The following ADCY5 variants were observed in gnomAD, a reference collection of about 807,000 sequenced individuals.
The protein encoded by ADCY5 is adenylate cyclase 5, also known as adenylate cyclase type 5.
A neutral mutation model predicts 119.7 loss-of-function variants in ADCY5; 30 were observed. The observed-to-expected ratio is 0.25, with a 90% CI of 0.19 to 0.34. ADCY5 has a LOEUF of 0.34. Among genes scored for constraint, ADCY5 ranks in the 10% least tolerant of loss-of-function variants. The pLI, the probability that ADCY5 is intolerant of heterozygous loss-of-function variation, is 1.00. For missense variants in ADCY5, 1,324 were observed against 1,775.2 expected (o/e 0.75, Z 4.57); for synonymous variants, 753 against 762.2 (o/e 0.99, Z 0.20).
chr3:123,308,721 T>C (rs1189013740), intron 12 of ADCY5, among the ~76,000 whole-genome samples: 1 of 152,108 alleles, frequency 6.6e-6, no homozygotes, highest in East Asian at 1.9e-4. Flanking sequence ...CCCAGCTACT[T>C]GGGAGGCTGA....
chr3:123,301,614 G>A (rs1939857008), intron 14 of ADCY5, among the ~76,000 whole-genome samples: 1 of 152,206 alleles, frequency 6.6e-6, no homozygotes, highest in Non-Finnish European at 1.5e-5. Flanking sequence ...TGGTCAGCTG[G>A]TGGGGGCTGA....
chr3:123,443,902 C>T (rs531457972), intron 1 of ADCY5, among the ~76,000 whole-genome samples: 1 of 152,300 alleles, frequency 6.6e-6, no homozygotes, highest in Non-Finnish European at 1.5e-5. Flanking sequence ...CCATCATCAC[C>T]TAGAGTCCAG....
chr3:123,403,045 C>T (rs933805030), intron 1 of ADCY5, among the ~76,000 whole-genome samples: 1 of 152,086 alleles, frequency 6.6e-6, no homozygotes, highest in African/African-American at 2.4e-5. Context: ...CAGTGTCTCC[C>T]CATCTGTCCT....
At chr3:123,405,024 C>T (rs139414141) in intron 1 of ADCY5, among the ~76,000 whole-genome samples, 26 of 152,390 alleles carry the variant, frequency 1.7e-4, no homozygotes, top group African/African-American at 6.0e-4. Flanking sequence ...CCTTGTTTCA[C>T]CAGTGCTGCT....
At chr3:123,335,667 T>C (rs1357799481) in intron 3 of ADCY5, among the ~76,000 whole-genome samples, 1 of 152,136 alleles carries the variant, frequency 6.6e-6, no homozygotes, top group East Asian at 1.9e-4. Flanking sequence ...AGGACCCCCC[T>C]GAGAGGGGTC....
intron 1 of ADCY5, among the ~76,000 whole-genome samples, chr3:123,444,608 C>T (rs767121777): frequency 4.5e-4 from 69 of 152,262 alleles, no homozygotes; most frequent in South Asian, 8.3e-4. Flanking sequence ...GGTTAAGAAA[C>T]CAAATGCTTC....
In ADCY5 at chr3:123,284,547, C is replaced by T. The variant is rs1010204418; in HGVS notation, c.*61G>A. The T allele has an allele frequency of 2.7e-5, 43 of 1,604,408 alleles. No individual in the cohort carries two copies. Among genetic ancestry groups the T allele is most frequent in the Middle Eastern group, 1.7e-4 (1 of 5,920 alleles). On this transcript the variant is annotated 3_prime_UTR_variant, in exon 21 of 21. Coordinates refer to ENST00000462833, the MANE Select transcript of ADCY5 (RefSeq NM_183357.3). ...TGGCTTCCCCGCCACCCCCGGCACA[C>T]AGAGAAGCTGCTTCCATGCCTCTGG...
At chr3:123,368,223 C>T (rs1943518453) in intron 1 of ADCY5, among the ~76,000 whole-genome samples, 1 of 152,202 alleles carries the variant, frequency 6.6e-6, no homozygotes, top group African/African-American at 2.4e-5. Flanking sequence ...TAACACGGTA[C>T]AGGTGTAAAC....
At chr3:123,375,130 T>G (rs1943781007) in intron 1 of ADCY5, among the ~76,000 whole-genome samples, 1 of 152,138 alleles carries the variant, frequency 6.6e-6, no homozygotes, top group African/African-American at 2.4e-5. Context: ...CAGCCCTTTT[T>G]CAAGGGCAGC....
chr3:123,441,431 G>A (rs1210593831), intron 1 of ADCY5, among the ~76,000 whole-genome samples: 2 of 152,112 alleles, frequency 1.3e-5, no homozygotes, highest in Non-Finnish European at 2.9e-5. Flanking sequence ...CACCTCCACT[G>A]ACAGAGAGCT....
intron 5 of ADCY5, among the ~76,000 whole-genome samples, chr3:123,330,013 T>C (rs925543590): frequency 6.6e-6 from 1 of 152,258 alleles, no homozygotes; most frequent in Non-Finnish European, 1.5e-5. Flanking sequence ...TTCAATAGTC[T>C]GCCTCCCTTA....
intron 1 of ADCY5, among the ~76,000 whole-genome samples, chr3:123,385,743 T>A (rs1176700764): frequency 6.6e-6 from 1 of 152,204 alleles, no homozygotes; most frequent in African/African-American, 2.4e-5. Context: ...ATCTGTAAAA[T>A]GGAGAATAAT....
Position 123,286,985 on chromosome 3 carries a change from C to G in ADCY5, c.3533-176G>C. On this transcript the variant is annotated intron_variant, in intron 19 of 20. Coordinates refer to ENST00000462833, the MANE Select transcript of ADCY5 (RefSeq NM_183357.3). The surrounding 1 kb of genome is among the most constrained non-coding windows in gnomAD (Gnocchi z 4.2). ...CCGCTACCCTGCTCCTGTCAAATGC[C>G]TGTGAATGCAAGACACAAGGAGCCT... is the stretch of plus-strand genomic sequence containing the variant. 1.2e-6 allele frequency: 1 copy of G among 837,090 alleles called. No individual in the cohort carries two copies. The highest frequency in any genetic ancestry group is 2.2e-5 in the South Asian group (1 of 46,130). The allele number at this position is 837,090 out of a possible 1,614,324, so 51.9% of individuals were successfully genotyped here. A position where few individuals can be genotyped will look rare whatever the true frequency, so the allele number is the denominator to read the frequency against.
intron 1 of ADCY5, among the ~76,000 whole-genome samples, chr3:123,358,602 AAAC>A (rs1205401114): frequency 2.0e-5 from 3 of 152,152 alleles, no homozygotes; most frequent in Non-Finnish European, 2.9e-5. Context: ...TCTGACTCCA[AAAC>A]AACAACAACA....
At chr3:123,405,214 G>A (rs1415362746) in intron 1 of ADCY5, among the ~76,000 whole-genome samples, 2 of 152,264 alleles carry the variant, frequency 1.3e-5, no homozygotes, top group Non-Finnish European at 2.9e-5. Flanking sequence ...CCTCTCTCAT[G>A]CTGTGGCTCT....
chr3:123,420,508 A>G (rs747501390), intron 1 of ADCY5, among the ~76,000 whole-genome samples: 10 of 152,108 alleles, frequency 6.6e-5, no homozygotes, highest in Non-Finnish European at 1.0e-4. Context: ...GTGAGGGGTG[A>G]GTGATCTGTG....
In ADCY5 at chr3:123,304,088, G is replaced by A. The variant is rs1408251436; in HGVS notation, c.2538C>T (p.Phe846=). ...LVGVFTITLV[F]LAAFVNMFTC... is the part of the protein sequence containing the mutation. ...CCACCATGTTGACAAAAGCCGCCAGGAACACCAGGGTGATGGTGAACACCC... is the reference window on the plus strand; with the variant it reads ...CCACCATGTTGACAAAAGCCGCCAGAAACACCAGGGTGATGGTGAACACCC... The change falls in exon 13 of 21, where the codon TTC becomes TTT. Residue 846 remains phenylalanine (F), a synonymous_variant. Transcript: ENST00000462833. 3 of 1,602,958 alleles carry A rather than the reference G, an allele frequency of 1.9e-6. No individual in the cohort carries two copies. The highest frequency in any genetic ancestry group is 2.6e-6 in the Non-Finnish European group (3 of 1,172,982).
rs1288463742 is a variant in ADCY5 at position 123,282,962 on chromosome 3, G to A, written c.*1646C>T. 4 of 152,250 alleles carry A rather than the reference G, an allele frequency of 2.6e-5. No individual in the cohort carries two copies. Among genetic ancestry groups the A allele is most frequent in the Non-Finnish European group, 4.4e-5 (3 of 68,042 alleles). The allele number at this position is 152,250 out of a possible 1,614,324, so 9.4% of individuals were successfully genotyped here. A position where few individuals can be genotyped will look rare whatever the true frequency, so the allele number is the denominator to read the frequency against. ...GGATTCCACTGAATTCTGTGCTAGAGTATCATTTTCCAAATGTCTTCCTCA... is the reference window on the plus strand; with the variant it reads ...GGATTCCACTGAATTCTGTGCTAGAATATCATTTTCCAAATGTCTTCCTCA... On this transcript the variant is annotated 3_prime_UTR_variant, in exon 21 of 21. Transcript: ENST00000462833.
intron 12 of ADCY5, among the ~76,000 whole-genome samples, chr3:123,307,627 C>T (rs902411359): frequency 6.6e-6 from 1 of 152,074 alleles, no homozygotes; most frequent in Non-Finnish European, 1.5e-5. Flanking sequence ...AAAATTTTGT[C>T]ATTCTATCTC....
Sources: allele counts gnomAD v4.1 joint callset (sites outside exome capture counted in the v4.1 genomes callset), GRCh38; gene constraint gnomAD v4.1.1; non-coding constraint Gnocchi (gnomAD v3.1); transcripts MANE v1.5; gene names NCBI Gene and HGNC (gene_info 2026-07-23, HGNC 2026-07-21).